The following RBM6 variants were observed in gnomAD, a reference collection of about 807,000 sequenced individuals.
The protein encoded by RBM6 is RNA binding motif protein 6.
Under a neutral mutation model 140.4 loss-of-function variants are expected in RBM6, and 23 were observed. The ratio of observed to expected loss-of-function variants is 0.16; its 90% CI spans 0.12 to 0.23. The LOEUF (loss-of-function observed/expected upper bound fraction) is 0.23. Among genes scored for constraint, RBM6 ranks in the 10% least tolerant of loss-of-function variants. RBM6 has a pLI of 1.00. For synonymous variants in RBM6, 439 were observed against 475.6 expected, an observed-to-expected ratio of 0.92 and a Z score of 1.00; for missense variants, 1,139 against 1,386.7, an observed-to-expected ratio of 0.82 and a Z score of 2.84.
At chr3:50,069,959 A>T (rs1575879432) in intron 18 of RBM6, among the ~76,000 whole-genome samples, 1 of 152,172 alleles carries the variant, frequency 6.6e-6, no homozygotes, top group East Asian at 1.9e-4. Flanking sequence ...GTGCCAACTT[A>T]TTCTTTCCAA....
At chr3:50,064,514 T>G (rs958802302) in intron 15 of RBM6, among the ~76,000 whole-genome samples, 2 of 152,038 alleles carry the variant, frequency 1.3e-5, no homozygotes, top group Non-Finnish European at 2.9e-5. Context: ...TTTTATTTTA[T>G]TTTATTTTAT....
At chr3:50,035,385 A>G (rs1275434030) in intron 6 of RBM6, among the ~76,000 whole-genome samples, 1 of 152,120 alleles carries the variant, frequency 6.6e-6, no homozygotes, top group Non-Finnish European at 1.5e-5. Flanking sequence ...GCTACTCTGT[A>G]TAATAGAAAC....
chr3:49,994,871 A>G (rs1233531444), intron 5 of RBM6, among the ~76,000 whole-genome samples: 1 of 152,218 alleles, frequency 6.6e-6, no homozygotes, highest in Non-Finnish European at 1.5e-5. Context: ...TTGATGGGAA[A>G]TTCAGCTGGA....
At chr3:49,975,222 C>A in intron 4 of RBM6, 101 bp from the exon 5 acceptor site, 1 of 1,039,360 alleles carries the variant, frequency 9.6e-7, no homozygotes, top group Non-Finnish European at 1.5e-6. Context: ...CCAAAGTAAT[C>A]ATGGCTTTAA....
At chr3:50,066,585 TG>T in intron 17 of RBM6, 83 bp downstream of exon 17, 1 of 1,510,548 alleles carries the variant, frequency 6.6e-7, no homozygotes, top group Non-Finnish European at 8.9e-7. Context: ...CCTAGCACTT[TG>T]GGAGGCCGAG....
intron 1 of RBM6, among the ~76,000 whole-genome samples, chr3:49,948,762 C>T (rs1030308388): frequency 1.4e-5 from 2 of 147,130 alleles, no homozygotes; most frequent in Admixed American, 1.4e-4. Flanking sequence ...GTAGAGGTTG[C>T]AGTGAGCTGA....
intron 6 of RBM6, among the ~76,000 whole-genome samples, chr3:50,029,558 C>T (rs2088029359): frequency 6.6e-6 from 1 of 152,040 alleles, no homozygotes; most frequent in South Asian, 2.1e-4. Context: ...TATGGCGAAA[C>T]CCCGTCTCTA....
rs183440018 is a variant in RBM6 at position 50,017,448 on chromosome 3, T to C, written c.1557+17935T>C. Among the ~76,000 whole-genome samples the C allele has an allele frequency of 5.6e-3, 847 of 150,910 alleles. 11 individuals carry two copies. The highest frequency in any genetic ancestry group is 0.019 in the African/African-American group (776 of 40,988). The stretch of plus-strand genomic sequence containing the variant: ...TGGTGGGCGCCTGAAGTCCCAGCTA[T>C]GTGGGAGGCTGAGGCAGGAGAATGG... On this transcript the variant is annotated intron_variant, in intron 6 of 20. Coordinates refer to ENST00000266022, the MANE Select transcript of RBM6 (RefSeq NM_005777.3).
At chr3:50,059,391 A>G (rs1440158068) in intron 10 of RBM6, 1 of 269,320 alleles carries the variant, frequency 3.7e-6, no homozygotes, top group Non-Finnish European at 6.9e-6. Flanking sequence ...ATTGCAACCT[A>G]AAAGAAGAGG....
At chr3:50,015,904 A>G (rs2108780142) in intron 6 of RBM6, among the ~76,000 whole-genome samples, 1 of 152,326 alleles carries the variant, frequency 6.6e-6, no homozygotes, top group African/African-American at 2.4e-5. Flanking sequence ...TAGTTAACAT[A>G]TCCATCACCT....
chr3:50,054,218 T>G, intron 7 of RBM6, 117 bp from the exon 8 acceptor site: 1 of 822,982 alleles, frequency 1.2e-6, no homozygotes. Flanking sequence ...TTTTTAAGCT[T>G]TGAGGGGATC....
Position 49,967,795 on chromosome 3 carries a change from G to A in RBM6, c.370G>A (p.Asp124Asn). 6.2e-7 allele frequency: 1 copy of A among 1,614,098 alleles called. No homozygotes were observed. The highest frequency in any genetic ancestry group is 1.3e-5 in the African/African-American group (1 of 75,010). Reference protein sequence around the residue: ...DFRGRDIHSGDFRDREGPPMD... With the variant: ...DFRGRDIHSGNFRDREGPPMD... Reference sequence around the variant, plus strand: ...CAGGGGTAGGGACATACATTCTGGGGATTTTCGGGATAGAGAAGGACCACC... The same window carrying A: ...CAGGGGTAGGGACATACATTCTGGGAATTTTCGGGATAGAGAAGGACCACC... The change falls in exon 3 of 21, where the codon GAT becomes AAT. Residue 124 changes from aspartate (D) to asparagine (N), a missense_variant. Transcript: ENST00000266022. The surrounding 1 kb of genome is among the most constrained non-coding windows in gnomAD (Gnocchi z 4.0).
At chr3:49,964,515 C>T (rs1360215361) in intron 2 of RBM6, among the ~76,000 whole-genome samples, 1 of 152,278 alleles carries the variant, frequency 6.6e-6, no homozygotes, top group East Asian at 1.9e-4. Context: ...GCCACTCTTA[C>T]TCATTTGCAG....
At chr3:50,018,197 A>AC (rs1253444072) in intron 6 of RBM6, among the ~76,000 whole-genome samples, 1 of 151,470 alleles carries the variant, frequency 6.6e-6, no homozygotes, top group African/African-American at 2.4e-5. Context: ...CCTCTTGCAA[A>AC]CCCCTGCAAC....
chr3:50,008,137 T>C (rs2086672153), intron 6 of RBM6, among the ~76,000 whole-genome samples: 1 of 152,162 alleles, frequency 6.6e-6, no homozygotes, highest in African/African-American at 2.4e-5. Context: ...AGCCCATTAT[T>C]TGCCACATCT....
rs557513684 is a variant in RBM6, at chr3:50,009,485, G to A, written c.1557+9972G>A. On this transcript the variant is annotated intron_variant, in intron 6 of 20. Coordinates refer to ENST00000266022, the MANE Select transcript of RBM6 (RefSeq NM_005777.3). ...TAAGTGTTGTCATTCATCCTCTAGT[G>A]CATAGATTATGTGTGCACATTTCTT... Among the ~76,000 whole-genome samples, 19 of 152,264 alleles carry A rather than the reference G, an allele frequency of 1.2e-4. No individual in the cohort carries two copies. In the South Asian group the frequency reaches 3.7e-3, roughly 30 times the overall value.
chr3:50,002,774 G>T (rs560013960), intron 6 of RBM6, among the ~76,000 whole-genome samples: 100 of 152,328 alleles, frequency 6.6e-4, no homozygotes, highest in Non-Finnish European at 1.2e-3. Context: ...GGAAATGGAT[G>T]TGGATTAAAC....
intron 18 of RBM6, 54 bp from the exon 19 acceptor site, chr3:50,070,401 C>A: frequency 1.6e-6 from 2 of 1,279,138 alleles, no homozygotes; most frequent in Non-Finnish European, 2.3e-6. Context: ...AATTTCCCCA[C>A]TCCCCAATTC....
chr3:50,020,572 C>T (rs572155920), intron 6 of RBM6, among the ~76,000 whole-genome samples: 2 of 152,210 alleles, frequency 1.3e-5, no homozygotes, highest in East Asian at 1.9e-4. Flanking sequence ...TTTTCATTAT[C>T]GTTTACAGTT....
Sources: allele counts gnomAD v4.1 joint callset (sites outside exome capture counted in the v4.1 genomes callset), GRCh38; gene constraint gnomAD v4.1.1; non-coding constraint Gnocchi (gnomAD v3.1); transcripts MANE v1.5; gene names NCBI Gene and HGNC (gene_info 2026-07-23, HGNC 2026-07-21).